The following PAFAH1B2 variants were observed in gnomAD, a reference collection of about 807,000 sequenced individuals.
The protein encoded by PAFAH1B2 is platelet activating factor acetylhydrolase 1b catalytic subunit 2.
In PAFAH1B2, 8 loss-of-function variants were observed where a neutral mutation model predicts 28.0. The ratio of observed to expected loss-of-function variants is 0.29; its 90% confidence interval spans 0.17 to 0.52. The LOEUF is 0.52. PAFAH1B2 is among the 20% of genes least tolerant of loss of function. The pLI, the probability that PAFAH1B2 is intolerant of heterozygous loss-of-function variation, is 0.97. For synonymous variants in PAFAH1B2, 104 were observed against 103.2 expected (o/e 1.01, Z -0.05); for missense variants, 190 against 282.6 (o/e 0.67, Z 2.35).
exon 6 of PAFAH1B2, chr11:117,176,120 G>T: frequency 1.7e-6 from 1 of 592,632 alleles, no homozygotes. Flanking sequence ...GTCTAGTGAG[G>T]TACTAATGGG....
downstream of PAFAH1B2, among the ~76,000 whole-genome samples, chr11:117,172,616 A>G (rs866897026): frequency 6.6e-6 from 1 of 152,028 alleles, no homozygotes; most frequent in Non-Finnish European, 1.5e-5. Context: ...CTTTTCTGCC[A>G]AGAGCACTGA....
downstream of PAFAH1B2, among the ~76,000 whole-genome samples, chr11:117,172,900 G>A (rs1390358008): frequency 3.9e-5 from 6 of 152,072 alleles, no homozygotes; most frequent in Admixed American, 2.6e-4. Context: ...GACAGGGTTC[G>A]CCATGTTTAC....
At chr11:117,155,178 C>T (rs1316626732) in intron 2 of PAFAH1B2, among the ~76,000 whole-genome samples, 1 of 152,120 alleles carries the variant, frequency 6.6e-6, no homozygotes, top group African/African-American at 2.4e-5. Context: ...CGGTCTTGAA[C>T]TCCTGACCTC....
At chr11:117,167,357 TATAA>T in intron 5 of PAFAH1B2, 60 bp from the exon 6 acceptor site, 1 of 1,448,598 alleles carries the variant, frequency 6.9e-7, no homozygotes, top group South Asian at 1.6e-5. Context: ...TATCTGAAGT[TATAA>T]ATAATAAGTA....
In PAFAH1B2 at chr11:117,169,139, C is replaced by CAA. The variant is rs1305308202; in HGVS notation, c.*1440_*1441insAA. The CAA allele has an allele frequency of 1.4e-4, 148 of 1,024,722 alleles. No individual in the cohort carries two copies. The African/African-American group carries it at 2.4e-3, about 16-fold the overall frequency. The allele number at this position is 1,024,722 out of a possible 1,614,324, so 63.5% of individuals were successfully genotyped here. Reference sequence around the variant, plus strand: ...TCCTCCAAAAATTTTGGGCCTTTTTCTGTGGGGAAACAAGTGAAGCTGCTC... The same window carrying CAA: ...TCCTCCAAAAATTTTGGGCCTTTTTCAATGTGGGGAAACAAGTGAAGCTGCTC... On this transcript the variant is annotated 3_prime_UTR_variant, in exon 6 of 6. Transcript: ENST00000527958.
intron 2 of PAFAH1B2, among the ~76,000 whole-genome samples, chr11:117,158,261 C>T (rs914276531): frequency 1.3e-5 from 2 of 152,086 alleles, no homozygotes; most frequent in Non-Finnish European, 2.9e-5. Flanking sequence ...AGGCTGGTCT[C>T]GAATGCCTGG....
chr11:117,163,691 G>T (rs1591748575), intron 4 of PAFAH1B2, 79 bp from the exon 5 acceptor site: 454 of 1,133,764 alleles, frequency 4.0e-4, no homozygotes, highest in African/African-American at 6.5e-4. Flanking sequence ...AAAAAAAAAA[G>T]ATTTTCATCT....
chr11:117,157,694 A>C (rs538887476), intron 2 of PAFAH1B2, among the ~76,000 whole-genome samples: 2 of 152,312 alleles, frequency 1.3e-5, no homozygotes, highest in East Asian at 3.9e-4. Flanking sequence ...TGGGAGGCTA[A>C]GGCAGGAGGG....
intron 1 of PAFAH1B2, among the ~76,000 whole-genome samples, chr11:117,151,547 T>A (rs542894856): frequency 1.3e-5 from 2 of 151,888 alleles, no homozygotes; most frequent in South Asian, 2.1e-4. Context: ...TAAAATTTTC[T>A]TAGTGGAAAC....
rs1956557068 is a variant in PAFAH1B2, at chr11:117,168,268, T to C, written c.*569T>C. ...AGTTAGAAGTGAATTTGTTCTGCTTTCTTAATCTTTTCCATGCTTAGCAGT... is the reference window on the plus strand; with the variant it reads ...AGTTAGAAGTGAATTTGTTCTGCTTCCTTAATCTTTTCCATGCTTAGCAGT... On this transcript the variant is annotated 3_prime_UTR_variant, in exon 6 of 6. Transcript: ENST00000527958. 1 of 1,063,088 alleles carries C rather than the reference T, an allele frequency of 9.4e-7. No individual in the cohort carries two copies. The highest frequency in any genetic ancestry group is 1.1e-6 in the Non-Finnish European group (1 of 877,982). 65.9% of individuals were successfully genotyped at this position (1,063,088 alleles called of 1,614,324 possible).
At chr11:117,165,599 A>T (rs1956488718) in intron 5 of PAFAH1B2, among the ~76,000 whole-genome samples, 1 of 152,212 alleles carries the variant, frequency 6.6e-6, no homozygotes, top group Non-Finnish European at 1.5e-5. Flanking sequence ...CAGAATTATT[A>T]TACTGTGTGC....
At chr11:117,164,401 C>T (rs996516233) in intron 5 of PAFAH1B2, among the ~76,000 whole-genome samples, 2 of 71,700 alleles carry the variant, frequency 2.8e-5, no homozygotes, top group African/African-American at 4.5e-5. Flanking sequence ...AGCGAGACTC[C>T]GTCTCAAAAA....
chr11:117,150,093 A>G lies in PAFAH1B2; in HGVS notation c.-7-2348A>G, dbSNP rs1956114572. On this transcript the variant is annotated intron_variant, in intron 1 of 5. Transcript: ENST00000527958. ...GATTTAAGCCTAGAATTGAACTTAG[A>G]CCCAAATAAACTTTTATGTAGAAAG... Among the ~76,000 whole-genome samples the G allele has an allele frequency of 2.0e-5, 3 of 152,228 alleles. No homozygotes were observed. In the South Asian group the frequency reaches 6.2e-4, roughly 32 times the overall value.
At chr11:117,161,466 G>A (rs1956367597) in intron 4 of PAFAH1B2, among the ~76,000 whole-genome samples, 1 of 151,454 alleles carries the variant, frequency 6.6e-6, no homozygotes, top group Non-Finnish European at 1.5e-5. Context: ...TGCCTATTGG[G>A]TTGTATTTAT....
intron 1 of PAFAH1B2, among the ~76,000 whole-genome samples, chr11:117,151,253 G>C (rs1956144445): frequency 8.3e-6 from 1 of 120,776 alleles, no homozygotes; most frequent in Non-Finnish European, 1.7e-5. Context: ...TTTTTGAGAT[G>C]GAGTCTGGCT....
chr11:117,166,322 T>C (rs1484197038), intron 5 of PAFAH1B2, among the ~76,000 whole-genome samples: 1 of 152,236 alleles, frequency 6.6e-6, no homozygotes, highest in African/African-American at 2.4e-5. Flanking sequence ...GACTAGTACA[T>C]AGTATTTGCT....
intron 1 of PAFAH1B2, among the ~76,000 whole-genome samples, chr11:117,147,971 A>C (rs936402706): frequency 2.0e-5 from 3 of 152,176 alleles, no homozygotes; most frequent in African/African-American, 7.2e-5. Flanking sequence ...GGGTATCAGA[A>C]TGCCATTAAA....
chr11:117,174,951 T>A, downstream of PAFAH1B2: 1 of 1,514,136 alleles, frequency 6.6e-7, no homozygotes, highest in Non-Finnish European at 8.8e-7. Flanking sequence ...CTGAGCCACC[T>A]GAAGCTTCCT....
chr11:117,151,640 C>T (rs1183686941), intron 1 of PAFAH1B2, among the ~76,000 whole-genome samples: 1 of 152,076 alleles, frequency 6.6e-6, no homozygotes, highest in Non-Finnish European at 1.5e-5. Flanking sequence ...ATCTGTACTA[C>T]AGTTATTTGT....
Sources: gnomAD v4.1 joint callset for allele counts (sites outside exome capture counted in the v4.1 genomes callset) on GRCh38, gnomAD v4.1.1 for gene constraint, MANE v1.5 for transcripts, NCBI Gene and HGNC (gene_info 2026-07-23, HGNC 2026-07-21) for gene names.